The following MCF2L variants were observed in gnomAD, a reference collection of about 807,000 sequenced individuals.
The protein encoded by MCF2L is guanine nucleotide exchange factor DBS.
In MCF2L, 97 loss-of-function variants were observed where a neutral mutation model predicts 153.4. That is an observed-to-expected ratio of 0.63 (90% CI 0.54 to 0.75). The LOEUF (loss-of-function observed/expected upper bound fraction) is 0.75. Ranked by LOEUF, MCF2L falls within the 30% of genes least tolerant of loss-of-function variation. The pLI is 0.00. For missense variants in MCF2L, 1,347 were observed against 1,495.2 expected (o/e 0.90, Z 1.64); for synonymous variants, 659 against 632.2 (o/e 1.04, Z -0.64).
At position 112,943,179 on chromosome 13, in the gene MCF2L, G is replaced by T. The variant is rs2081593783; in HGVS notation, c.169+40808G>T. On this transcript the variant is annotated intron_variant, in intron 2 of 29. Coordinates refer to the MCF2L transcript ENST00000375608. The surrounding 1 kb of genome is among the most constrained non-coding windows in gnomAD (Gnocchi z 4.2). ...CTCAGCAGGTGTGACTTAAAGGATC[G>T]CAGGTGACAGCCCTCAGTGGACTTC... is the stretch of plus-strand genomic sequence containing the variant. Among the ~76,000 whole-genome samples the T allele has an allele frequency of 6.6e-6, 1 of 152,344 alleles. No individual in the cohort carries two copies. The highest frequency in any genetic ancestry group is 2.4e-5 in the African/African-American group (1 of 41,590).
At chr13:112,921,621 C>T (rs185873345) in intron 2 of MCF2L, among the ~76,000 whole-genome samples, 110 of 152,310 alleles carry the variant, frequency 7.2e-4, no homozygotes, top group Middle Eastern at 6.8e-3. Context: ...GTTAGATACA[C>T]GAGACACAAT....
intron 4 of MCF2L, among the ~76,000 whole-genome samples, chr13:113,057,974 G>A (rs1407141348): frequency 1.2e-4 from 17 of 145,214 alleles, no homozygotes; most frequent in African/African-American, 3.3e-4. Flanking sequence ...CACTGTTTGG[G>A]TGCTGAGTGT....
intron 2 of MCF2L, among the ~76,000 whole-genome samples, chr13:112,908,111 G>A (rs7317062): frequency 0.77 from 116,443 of 152,108 alleles, 44,929 homozygotes; most frequent in East Asian, 0.91. Flanking sequence ...ATTTGGGAAC[G>A]AGTTGTGTTA....
At chr13:112,952,460 G>A (rs2081704996) in intron 2 of MCF2L, among the ~76,000 whole-genome samples, 2 of 152,202 alleles carry the variant, frequency 1.3e-5, no homozygotes, top group African/African-American at 4.8e-5. Flanking sequence ...GGAGAGGTGA[G>A]GAGGAATCTC....
intron 3 of MCF2L, among the ~76,000 whole-genome samples, chr13:113,032,017 C>T (rs1219646215): frequency 6.6e-6 from 1 of 152,232 alleles, no homozygotes. Context: ...CACATGTACA[C>T]ACCACATGCA....
chr13:112,918,741 C>A (rs1344849273), intron 2 of MCF2L, among the ~76,000 whole-genome samples: 6 of 152,180 alleles, frequency 3.9e-5, no homozygotes, highest in African/African-American at 1.4e-4. Flanking sequence ...GCAGTGCTTT[C>A]TGGTTAGGGA....
intron 2 of MCF2L, among the ~76,000 whole-genome samples, chr13:112,962,518 T>C (rs562173095): frequency 6.6e-6 from 1 of 152,316 alleles, no homozygotes; most frequent in East Asian, 1.9e-4. Context: ...GCCACATCCC[T>C]GGTGCCCAGG....
intron 2 of MCF2L, among the ~76,000 whole-genome samples, chr13:112,924,422 C>T (rs1341035509): frequency 6.6e-6 from 1 of 152,072 alleles, no homozygotes; most frequent in African/African-American, 2.4e-5. Context: ...AAATTTTATA[C>T]CCTGCTGCTT....
chr13:113,041,376 G>A (rs1036421016), intron 3 of MCF2L, among the ~76,000 whole-genome samples: 3 of 152,208 alleles, frequency 2.0e-5, no homozygotes, highest in East Asian at 1.9e-4. Context: ...GTGCAGCCTC[G>A]GGAATGCCAT....
intron 2 of MCF2L, among the ~76,000 whole-genome samples, chr13:112,911,366 C>T (rs1293874503): frequency 2.0e-5 from 3 of 152,246 alleles, no homozygotes; most frequent in African/African-American, 4.8e-5. Context: ...CGCCCGGCAC[C>T]GTCCATGCAG....
chr13:112,968,545 G>C, upstream of MCF2L: 1 of 1,551,870 alleles, frequency 6.4e-7, no homozygotes, highest in Non-Finnish European at 8.7e-7. Flanking sequence ...CGATGCCCCT[G>C]CGGGGAGGGG....
At chr13:113,090,168 T>C in intron 26 of MCF2L, 2 of 1,527,802 alleles carry the variant, frequency 1.3e-6, no homozygotes, top group Non-Finnish European at 1.8e-6. Context: ...AAGGTAAAAG[T>C]AGTGCCTGCC....
intron 2 of MCF2L, among the ~76,000 whole-genome samples, chr13:112,947,324 A>T (rs1417331627): frequency 2.6e-5 from 4 of 152,220 alleles, no homozygotes; most frequent in African/African-American, 9.6e-5. Flanking sequence ...AAATACATTT[A>T]TTCCATCTCA....
At chr13:113,059,347 T>C (rs1323834564) in intron 4 of MCF2L, among the ~76,000 whole-genome samples, 2 of 152,218 alleles carry the variant, frequency 1.3e-5, no homozygotes, top group Non-Finnish European at 2.9e-5. Context: ...AGCCTGAACA[T>C]TGGAGTGTGG....
intron 1 of MCF2L, among the ~76,000 whole-genome samples, chr13:113,011,447 G>A (rs1350831156): frequency 6.6e-6 from 1 of 151,422 alleles, no homozygotes; most frequent in Non-Finnish European, 1.5e-5. Context: ...CAGGTGGTGT[G>A]GATGGTGGAC....
At chr13:112,903,380 C>A (rs1340578845) in intron 2 of MCF2L, among the ~76,000 whole-genome samples, 1 of 152,248 alleles carries the variant, frequency 6.6e-6, no homozygotes, top group Non-Finnish European at 1.5e-5. Context: ...CCCCATCCCA[C>A]GGCTGCTGCC....
At chr13:113,096,254 T>G in intron 27 of MCF2L, 117 bp from the exon 28 acceptor site, 1 of 766,700 alleles carries the variant, frequency 1.3e-6, no homozygotes, top group Non-Finnish European at 2.2e-6. Flanking sequence ...GAGCTGGTCG[T>G]GGCCAGGAGC....
At chr13:113,066,001 T>C (rs1335534884) in intron 7 of MCF2L, 45 bp from the exon 8 acceptor site, 2 of 1,597,288 alleles carry the variant, frequency 1.3e-6, no homozygotes, top group Non-Finnish European at 1.7e-6. Context: ...GCCTGCGCTG[T>C]GTGCCTGGAC....
At position 112,937,890 on chromosome 13, in the gene MCF2L, G is replaced by A. The variant is rs1007920849; in HGVS notation, c.169+35519G>A. Among the ~76,000 whole-genome samples the A allele has an allele frequency of 7.4e-5, 11 of 147,978 alleles. No individual in the cohort carries two copies. In the East Asian group the frequency reaches 2.0e-3, roughly 27 times the overall value. On this transcript the variant is annotated intron_variant, in intron 2 of 29. Transcript: ENST00000375608. ...TTGGTTGGTTCAGGTGAGTTCTGAT[G>A]TGCTGGTTCAGGTGAGCTCTGATTG...
Sources: gnomAD v4.1 joint callset for allele counts (sites outside exome capture counted in the v4.1 genomes callset) on GRCh38, gnomAD v4.1.1 for gene constraint, Gnocchi (gnomAD v3.1) non-coding constraint, MANE v1.5 for transcripts, NCBI Gene and HGNC (gene_info 2026-07-23, HGNC 2026-07-21) for gene names.